Variants in WDR7 observed in about 807,000 individuals in gnomAD.
WDR7 encodes the protein WD repeat-containing protein 7.
WDR7 carries 46 observed loss-of-function variants against 169.4 expected under a neutral mutation model. That is an observed-to-expected ratio of 0.27 (90% CI 0.21 to 0.35). WDR7 has a LOEUF of 0.35. WDR7 is among the 10% of genes least tolerant of loss of function. The pLI is 1.00. For missense variants in WDR7, 1,534 were observed against 1,859.3 expected, an observed-to-expected ratio of 0.83 and a Z score of 3.22; for synonymous variants, 612 against 666.8, an observed-to-expected ratio of 0.92 and a Z score of 1.27.
chr18:56,688,484 C>G (rs1469149510), intron 7 of WDR7, among the ~76,000 whole-genome samples: 1 of 151,072 alleles, frequency 6.6e-6, no homozygotes, highest in African/African-American at 2.4e-5. Flanking sequence ...TTGGGAGGCC[C>G]GAGGCAGGCA....
At position 56,686,018 on chromosome 18, in the gene WDR7, A is replaced by G. The variant is rs200841310; in HGVS notation, c.583A>G (p.Ile195Val). 5 of 1,597,026 alleles carry G rather than the reference A, an allele frequency of 3.1e-6. No homozygotes were observed. The African/African-American group carries it at 6.8e-5, about 22-fold the overall frequency. The change falls in exon 6 of 28, where the codon ATA becomes GTA. Residue 195 changes from isoleucine to valine, a missense_variant. By Grantham distance (29) the Ile-to-Val change is conservative. Coordinates refer to ENST00000254442, the MANE Select transcript of WDR7 (RefSeq NM_015285.3). ...ILKVWIVTSE[I>V]SDMQDTEPIF... is the part of the protein sequence containing the mutation. ...GAAGGTCTGGATTGTTACCTCGGAA[A>G]TAAGTGACATGCAGGTGAGAAAAAG...
At chr18:56,874,859 C>A (rs1470899339) in intron 20 of WDR7, among the ~76,000 whole-genome samples, 2 of 152,080 alleles carry the variant, frequency 1.3e-5, no homozygotes, top group East Asian at 3.8e-4. Context: ...ATAATTGCAC[C>A]AAACATTTTA....
chr18:56,727,444 T>C (rs1429271430), intron 13 of WDR7, among the ~76,000 whole-genome samples: 1 of 152,184 alleles, frequency 6.6e-6, no homozygotes. Context: ...GAGGTTTAAC[T>C]GACTCACAGT....
At chr18:56,725,475 A>C (rs954878291) in intron 13 of WDR7, among the ~76,000 whole-genome samples, 7 of 151,902 alleles carry the variant, frequency 4.6e-5, no homozygotes, top group African/African-American at 9.7e-5. Flanking sequence ...CTGTTCATAT[A>C]CTTTGCCCAC....
Position 56,757,116 on chromosome 18 carries a change from AG to A in WDR7, c.2525del (p.Gly842AlafsTer5). ...TATCGTTTGGCCTCTTGTCAAGAGG[AG>A]GCCATATGTCACTGATGCTGCCGGG... ...TVSFGLLSRG[G>X]HMSLMLPGYN... On this transcript the variant is annotated frameshift_variant, in exon 15 of 28. Coordinates refer to ENST00000254442, the MANE Select transcript of WDR7 (RefSeq NM_015285.3). LOFTEE classifies it high-confidence loss of function. 6.2e-7 allele frequency: 1 copy of A among 1,614,162 alleles called. No homozygotes were observed.
At chr18:56,678,372 A>G (rs558519060) in intron 2 of WDR7, among the ~76,000 whole-genome samples, 11 of 152,168 alleles carry the variant, frequency 7.2e-5, no homozygotes, top group African/African-American at 2.7e-4. Context: ...TTAAGTATTT[A>G]TTGTATTCTT....
chr18:56,751,159 C>T (rs7227523), intron 14 of WDR7, among the ~76,000 whole-genome samples: 1,717 of 152,154 alleles, frequency 0.011, 19 homozygotes, highest in Non-Finnish European at 0.015. Flanking sequence ...AGGAATCACA[C>T]GAAATTGCAT....
chr18:56,838,682 A>G (rs545064924), intron 20 of WDR7, among the ~76,000 whole-genome samples: 2 of 152,342 alleles, frequency 1.3e-5, no homozygotes, highest in South Asian at 2.1e-4. Context: ...AAGGTCAGTC[A>G]TATAGATTCT....
chr18:56,684,137 A>G (rs996043064), intron 5 of WDR7, among the ~76,000 whole-genome samples: 1 of 152,136 alleles, frequency 6.6e-6, no homozygotes, highest in Admixed American at 6.6e-5. Flanking sequence ...CTGGCAAAGG[A>G]GATAGTCTGT....
At chr18:56,884,789 C>G (rs1046366713) in intron 21 of WDR7, among the ~76,000 whole-genome samples, 1 of 152,224 alleles carries the variant, frequency 6.6e-6, no homozygotes, top group Non-Finnish European at 1.5e-5. Context: ...TATACTACCA[C>G]AGCTGATGCT....
chr18:56,725,646 C>G (rs1436177888), intron 13 of WDR7, among the ~76,000 whole-genome samples: 1 of 152,158 alleles, frequency 6.6e-6, no homozygotes, highest in Non-Finnish European at 1.5e-5. Flanking sequence ...TGTGCAGAAG[C>G]TCTTTAGTTT....
rs1051511707 is a variant in WDR7 at position 56,936,067 on chromosome 18, A to G, written c.3831+162A>G. ...TGAACACATGTGTCTGTGTGCATGT[A>G]CACTGAATTCCACGGTGTGGTGCAT... On this transcript the variant is annotated intron_variant, in intron 23 of 27. Transcript: ENST00000254442. The G allele has an allele frequency of 2.7e-5, 17 of 621,296 alleles. No individual in the cohort carries two copies. The East Asian group carries it at 4.8e-4, about 17-fold the overall frequency. The allele number at this position is 621,296 out of a possible 1,614,324, so 38.5% of individuals were successfully genotyped here.
chr18:56,940,397 T>A (rs1295676323), intron 25 of WDR7, among the ~76,000 whole-genome samples: 1 of 152,194 alleles, frequency 6.6e-6, no homozygotes, highest in Non-Finnish European at 1.5e-5. Context: ...CCTATCTCTT[T>A]ATTTTGCAGT....
At position 56,757,090 on chromosome 18, in the gene WDR7, G is replaced by T. The variant is rs140380861; in HGVS notation, c.2497G>T (p.Val833Leu). The change falls in exon 15 of 28, where the codon GTA becomes TTA. Residue 833 changes from valine (V) to leucine (L), a missense_variant. Val to Leu is a conservative substitution (Grantham distance 32, BLOSUM62 1). Coordinates refer to ENST00000254442, the MANE Select transcript of WDR7 (RefSeq NM_015285.3). Reference protein sequence around the residue: ...RLGMLKPHCTVSFGLLSRGGH... With the variant: ...RLGMLKPHCTLSFGLLSRGGH... Reference sequence around the variant, plus strand: ...TGGAATGCTGAAACCCCACTGCACCGTATCGTTTGGCCTCTTGTCAAGAGG... The same window carrying T: ...TGGAATGCTGAAACCCCACTGCACCTTATCGTTTGGCCTCTTGTCAAGAGG... The T allele has an allele frequency of 4.3e-6, 7 of 1,613,986 alleles. No individual in the cohort carries two copies.
At chr18:56,857,509 G>T (rs373711668) in intron 20 of WDR7, among the ~76,000 whole-genome samples, 1 of 151,986 alleles carries the variant, frequency 6.6e-6, no homozygotes, top group Non-Finnish European at 1.5e-5. Context: ...TGCCTACCTC[G>T]GCCTCCCAAA....
At chr18:56,677,733 C>T (rs771949569) in intron 2 of WDR7, among the ~76,000 whole-genome samples, 59 of 151,996 alleles carry the variant, frequency 3.9e-4, no homozygotes, top group Non-Finnish European at 4.1e-4. Flanking sequence ...TATTAAATAC[C>T]GTGAGGTAGT....
chr18:56,769,117 A>C (rs769103079), intron 16 of WDR7, among the ~76,000 whole-genome samples: 1 of 152,142 alleles, frequency 6.6e-6, no homozygotes, highest in Non-Finnish European at 1.5e-5. Context: ...GCGGTTTATG[A>C]AACATGCTAC....
intron 20 of WDR7, among the ~76,000 whole-genome samples, chr18:56,845,343 T>C (rs2045552623): frequency 6.6e-6 from 1 of 152,138 alleles, no homozygotes; most frequent in East Asian, 1.9e-4. Context: ...AATTTTTCTA[T>C]AATATGTTAT....
chr18:56,927,336 G>C (rs961860251), intron 22 of WDR7, among the ~76,000 whole-genome samples: 1 of 152,122 alleles, frequency 6.6e-6, no homozygotes, highest in African/African-American at 2.4e-5. Context: ...GCTGGGCTTG[G>C]TGGCTCATGC....
Sources: gnomAD v4.1 joint callset for allele counts (sites outside exome capture counted in the v4.1 genomes callset) on GRCh38, gnomAD v4.1.1 for gene constraint, MANE v1.5 for transcripts, NCBI Gene and HGNC (gene_info 2026-07-23, HGNC 2026-07-21) for gene names.